Variants in SLC2A13 observed in about 807,000 individuals in gnomAD.
The protein encoded by SLC2A13 is proton myo-inositol cotransporter.
In SLC2A13, 32 loss-of-function variants were observed where a neutral mutation model predicts 64.4. The ratio of observed to expected loss-of-function variants is 0.50; its 90% CI spans 0.37 to 0.67. The LOEUF is 0.67. SLC2A13 is among the 30% of genes least tolerant of loss of function. The probability of loss-of-function intolerance (pLI) is 0.00; values close to 1 mark genes in which losing one functional copy is unlikely to be tolerated. For synonymous variants in SLC2A13, 338 were observed against 327.1 expected, an observed-to-expected ratio of 1.03 and a Z score of -0.36; for missense variants, 743 against 829.2, an observed-to-expected ratio of 0.90 and a Z score of 1.28.
intron 7 of SLC2A13, chr12:39,819,941 A>G (rs1365462309): frequency 6.6e-6 from 1 of 152,418 alleles, no homozygotes; most frequent in African/African-American, 2.4e-5. Flanking sequence ...TAAAATGACC[A>G]CAGAAAAAAC....
chr12:40,093,394 C>T (rs972753728), intron 1 of SLC2A13, among the ~76,000 whole-genome samples: 1 of 152,122 alleles, frequency 6.6e-6, no homozygotes, highest in Non-Finnish European at 1.5e-5. Flanking sequence ...TTACTAGATG[C>T]CTGCTGTGTA....
intron 4 of SLC2A13, among the ~76,000 whole-genome samples, chr12:39,892,465 T>C (rs1944638974): frequency 6.6e-6 from 1 of 152,248 alleles, no homozygotes; most frequent in Non-Finnish European, 1.5e-5. Context: ...ATTTTATCAT[T>C]GTGACTTGAT....
intron 3 of SLC2A13, among the ~76,000 whole-genome samples, chr12:39,970,884 C>A (rs994456392): frequency 1.3e-5 from 2 of 152,068 alleles, no homozygotes; most frequent in Non-Finnish European, 1.5e-5. Context: ...GTATTTTTTC[C>A]CTTGAGTGAC....
chr12:39,998,757 CT>C (rs1458484992), intron 3 of SLC2A13, among the ~76,000 whole-genome samples: 1 of 152,102 alleles, frequency 6.6e-6, no homozygotes, highest in Non-Finnish European at 1.5e-5. Flanking sequence ...TGAGTTAAGA[CT>C]TTGGAGGACT....
intron 1 of SLC2A13, among the ~76,000 whole-genome samples, chr12:40,062,678 T>A (rs1948442434): frequency 6.6e-6 from 1 of 152,042 alleles, no homozygotes; most frequent in East Asian, 1.9e-4. Flanking sequence ...AAAAGAAAAG[T>A]AATAAGCTCT....
At chr12:39,787,234 G>C (rs1439826562) in intron 7 of SLC2A13, among the ~76,000 whole-genome samples, 5 of 152,122 alleles carry the variant, frequency 3.3e-5, no homozygotes, top group Admixed American at 3.3e-4. Flanking sequence ...CCTTCCACCA[G>C]TGGCCTCCAT....
chr12:39,915,456 A>G (rs1297665609), intron 4 of SLC2A13, among the ~76,000 whole-genome samples: 3 of 152,040 alleles, frequency 2.0e-5, no homozygotes, highest in Non-Finnish European at 4.4e-5. Flanking sequence ...AGCAGGAGGT[A>G]AAATCCTTAT....
chr12:39,798,492 C>T (rs1030588763), intron 7 of SLC2A13, among the ~76,000 whole-genome samples: 2 of 152,214 alleles, frequency 1.3e-5, no homozygotes, highest in Non-Finnish European at 2.9e-5. Flanking sequence ...AAACTAAAAT[C>T]TAGATCCCCA....
chr12:40,086,505 C>T (rs951766003), intron 1 of SLC2A13, among the ~76,000 whole-genome samples: 2 of 152,118 alleles, frequency 1.3e-5, no homozygotes, highest in Non-Finnish European at 2.9e-5. Flanking sequence ...TGTCTATTCT[C>T]GCCTATTCTC....
chr12:39,978,347 A>G (rs1052392726), intron 3 of SLC2A13, among the ~76,000 whole-genome samples: 4 of 152,244 alleles, frequency 2.6e-5, no homozygotes, highest in East Asian at 1.9e-4. Flanking sequence ...GAACAGCTCC[A>G]GTCTACAGCT....
chr12:39,922,102 T>C (rs1458894540), intron 4 of SLC2A13, among the ~76,000 whole-genome samples: 1 of 152,168 alleles, frequency 6.6e-6, no homozygotes, highest in Non-Finnish European at 1.5e-5. Context: ...CCTACACTGC[T>C]AGAGGTGTAC....
intron 3 of SLC2A13, among the ~76,000 whole-genome samples, chr12:39,995,754 G>A (rs1947217256): frequency 6.6e-6 from 1 of 152,094 alleles, no homozygotes; most frequent in South Asian, 2.1e-4. Flanking sequence ...AATCATGGGG[G>A]GCAGGTATTT....
intron 9 of SLC2A13, among the ~76,000 whole-genome samples, chr12:39,762,797 G>A (rs930374262): frequency 2.0e-5 from 3 of 152,088 alleles, no homozygotes; most frequent in African/African-American, 7.2e-5. Context: ...CTAGAGAGTA[G>A]TAGACCAAAT....
intron 3 of SLC2A13, among the ~76,000 whole-genome samples, chr12:39,989,183 C>T (rs1346484168): frequency 6.6e-6 from 1 of 152,158 alleles, no homozygotes; most frequent in East Asian, 1.9e-4. Flanking sequence ...CCCTGAAACT[C>T]TCCATGCCAA....
chr12:39,980,802 C>G (rs1946878605), intron 3 of SLC2A13, among the ~76,000 whole-genome samples: 1 of 152,074 alleles, frequency 6.6e-6, no homozygotes, highest in Non-Finnish European at 1.5e-5. Context: ...AGGAATTGAA[C>G]TCAGCTCTGC....
At chr12:39,918,297 A>G (rs1354297168) in intron 4 of SLC2A13, among the ~76,000 whole-genome samples, 3 of 152,066 alleles carry the variant, frequency 2.0e-5, no homozygotes, top group African/African-American at 7.3e-5. Context: ...CTTTGATGTA[A>G]CTAAATTTTT....
In SLC2A13 at chr12:40,021,447, G is replaced by A. The variant is rs371869315; in HGVS notation, c.925+6854C>T. 1.5e-4 allele frequency among the ~76,000 whole-genome samples: 23 copies of A among 152,272 alleles called. No homozygotes were observed. In the East Asian group the frequency reaches 1.7e-3, roughly 11 times the overall value. ...TAAGTTTTACTAAAAACTGAACAGAGTTGTGTATTGTTTTAATAGTCCTTC... is the reference window on the plus strand; with the variant it reads ...TAAGTTTTACTAAAAACTGAACAGAATTGTGTATTGTTTTAATAGTCCTTC... On this transcript the variant is annotated intron_variant, in intron 3 of 9. Coordinates refer to ENST00000280871, the MANE Select transcript of SLC2A13 (RefSeq NM_052885.4).
At chr12:40,096,180 C>T (rs561661791) in intron 1 of SLC2A13, among the ~76,000 whole-genome samples, 1 of 151,990 alleles carries the variant, frequency 6.6e-6, no homozygotes, top group Admixed American at 6.5e-5. Context: ...CCACCCGCCT[C>T]AGCCTCCCAA....
intron 1 of SLC2A13, among the ~76,000 whole-genome samples, chr12:40,067,430 A>G (rs1423645965): frequency 1.3e-5 from 2 of 152,100 alleles, no homozygotes; most frequent in Non-Finnish European, 2.9e-5. Flanking sequence ...TTGATAATAT[A>G]TTTTGTATCT....
Sources: gnomAD v4.1 joint callset for allele counts (sites outside exome capture counted in the v4.1 genomes callset) on GRCh38, gnomAD v4.1.1 for gene constraint, MANE v1.5 for transcripts, NCBI Gene and HGNC (gene_info 2026-07-23, HGNC 2026-07-21) for gene names.